Variants in GARRE1 observed in about 807,000 individuals in gnomAD.
The protein encoded by GARRE1 is granule associated Rac and RHOG effector 1.
Under a neutral mutation model 103.2 loss-of-function variants are expected in GARRE1, and 49 were observed. The ratio of observed to expected loss-of-function variants is 0.47; its 90% CI spans 0.38 to 0.60. The LOEUF (loss-of-function observed/expected upper bound fraction) is 0.60, where lower values mean the gene tolerates loss of function less well. Among genes scored for constraint, GARRE1 ranks in the 20% least tolerant of loss-of-function variants. GARRE1 has a pLI of 0.00. For synonymous variants in GARRE1, 505 were observed against 532.8 expected (o/e 0.95, Z 0.72); for missense variants, 1,199 against 1,370.5 (o/e 0.87, Z 1.98).
At chr19:34,344,386 C>CGA (rs1202360596) in intron 10 of GARRE1, among the ~76,000 whole-genome samples, 1 of 151,770 alleles carries the variant, frequency 6.6e-6, no homozygotes, top group Non-Finnish European at 1.5e-5. Flanking sequence ...GTCAGGAGAT[C>CGA]GAGACCATCC....
At position 34,300,105 on chromosome 19, in the gene GARRE1, T is replaced by G. The variant is rs921705547; in HGVS notation, c.-369T>G. On this transcript the variant is annotated 5_prime_UTR_variant, in exon 2 of 14. Transcript: ENST00000299505. ...ACAGTGTATTACATTATATTACATT[T>G]TTAAACGTTAAGTTATTTTTCTGCC... 1 of 189,380 alleles carries G rather than the reference T, an allele frequency of 5.3e-6. No homozygotes were observed. Among genetic ancestry groups the G allele is most frequent in the Non-Finnish European group, 1.1e-5 (1 of 92,290 alleles). The allele number at this position is 189,380 out of a possible 1,614,324, so 11.7% of individuals were successfully genotyped here.
intron 8 of GARRE1, among the ~76,000 whole-genome samples, chr19:34,334,305 TA>T (rs1157621225): frequency 3.3e-5 from 5 of 152,152 alleles, no homozygotes; most frequent in Non-Finnish European, 5.9e-5. Flanking sequence ...ATTCTTAATT[TA>T]TTTTTTTTTA....
chr19:34,261,558 A>C (rs1348774387), intron 1 of GARRE1, among the ~76,000 whole-genome samples: 1 of 152,170 alleles, frequency 6.6e-6, no homozygotes, highest in African/African-American at 2.4e-5. Flanking sequence ...TGCAGTTCTC[A>C]GGGGAGACTT....
chr19:34,290,008 TATG>T (rs1439922387), intron 1 of GARRE1, among the ~76,000 whole-genome samples: 1 of 152,178 alleles, frequency 6.6e-6, no homozygotes, highest in East Asian at 1.9e-4. Context: ...TTCCTTGACT[TATG>T]ATGGGAGTTT....
At position 34,354,700 on chromosome 19, in the gene GARRE1, A is replaced by ATGTATG. The variant is rs1555713013; in HGVS notation, c.*1746_*1747insGTATGT. 6.6e-6 allele frequency: 1 copy of ATGTATG among 152,224 alleles called. No homozygotes were observed. The highest frequency in any genetic ancestry group is 1.5e-5 in the Non-Finnish European group (1 of 67,958). 9.4% of individuals were successfully genotyped at this position (152,224 alleles called of 1,614,324 possible). A position where few individuals can be genotyped will look rare whatever the true frequency, so the allele number is the denominator to read the frequency against. On this transcript the variant is annotated 3_prime_UTR_variant, in exon 14 of 14. Transcript: ENST00000299505. ...AAGAAAAAAAAAAAAGAATATATATATATGTATGTATGTATGTATGTAAAC... is the reference window on the plus strand; with the variant it reads ...AAGAAAAAAAAAAAAGAATATATATATGTATGTATGTATGTATGTATGTATGTAAAC...
At chr19:34,336,251 A>G (rs1049835634) in intron 8 of GARRE1, among the ~76,000 whole-genome samples, 3 of 152,156 alleles carry the variant, frequency 2.0e-5, no homozygotes, top group African/African-American at 7.2e-5. Flanking sequence ...TTGGCCTCCC[A>G]AAGTGCTGGG....
chr19:34,256,241 A>T (rs1384951262), intron 1 of GARRE1, among the ~76,000 whole-genome samples: 1 of 151,324 alleles, frequency 6.6e-6, no homozygotes, highest in East Asian at 2.0e-4. Context: ...GCCTGGCGCG[A>T]TGGCTCATGC....
chr19:34,321,709 C>A (rs2074089868), intron 3 of GARRE1, among the ~76,000 whole-genome samples: 1 of 152,162 alleles, frequency 6.6e-6, no homozygotes, highest in African/African-American at 2.4e-5. Context: ...AACTCCTGAC[C>A]TTGTGATCCA....
At chr19:34,280,768 T>C (rs1039747720) in intron 1 of GARRE1, among the ~76,000 whole-genome samples, 5 of 152,178 alleles carry the variant, frequency 3.3e-5, no homozygotes, top group South Asian at 2.1e-4. Flanking sequence ...CTAGTAGTGT[T>C]ATATGAGTTC....
chr19:34,305,014 G>A (rs1337738249), intron 2 of GARRE1, among the ~76,000 whole-genome samples: 10 of 151,880 alleles, frequency 6.6e-5, no homozygotes, highest in Admixed American at 6.6e-5. Context: ...GGATGGTCTT[G>A]ATCTCCTGAC....
rs392340 is a variant in GARRE1 at position 34,351,583 on chromosome 19, T to C, written c.2895T>C (p.Asp965=). 639,306 of 1,610,562 alleles carry C rather than the reference T, an allele frequency of 0.4. 137,171 individuals are homozygous for C. Among genetic ancestry groups the C allele is most frequent in the East Asian group, 0.82 (36,867 of 44,876 alleles). ...PSPPLLTTVE[D]VNQDNKTKTW... is the part of the protein sequence containing the mutation. ...CACCTCTCCTCACCACGGTGGAGGA[T>C]GTGAACCAGGTATTCAGGCAGGCTC... Residue 965 remains aspartate (D), a synonymous_variant, in exon 13 of 14, where the codon GAT becomes GAC. Coordinates refer to ENST00000299505, the MANE Select transcript of GARRE1 (RefSeq NM_014686.5).
In GARRE1 at chr19:34,282,225, C is replaced by T. The variant is rs1033972360; in HGVS notation, c.-795-17454C>T. The stretch of plus-strand genomic sequence containing the variant: ...GGAATGCAATAGTGCGATCTCGGCT[C>T]ACTGCAACCTCCGCCTCCTGGGTTC... On this transcript the variant is annotated intron_variant, in intron 1 of 13. Coordinates refer to ENST00000299505, the MANE Select transcript of GARRE1 (RefSeq NM_014686.5). Among the ~76,000 whole-genome samples, 5 of 146,904 alleles carry T rather than the reference C, an allele frequency of 3.4e-5. No homozygotes were observed. In the South Asian group the frequency reaches 6.5e-4, roughly 19 times the overall value.
intron 1 of GARRE1, among the ~76,000 whole-genome samples, chr19:34,293,761 T>C (rs1478033196): frequency 1.9e-5 from 2 of 107,708 alleles, no homozygotes; most frequent in African/African-American, 5.0e-5. Flanking sequence ...TTTTTTTTTT[T>C]TTTTTTTTTT....
intron 1 of GARRE1, among the ~76,000 whole-genome samples, chr19:34,265,377 A>G (rs948138455): frequency 2.6e-5 from 4 of 152,168 alleles, no homozygotes; most frequent in Admixed American, 6.5e-5. Flanking sequence ...CTGGGTGTCA[A>G]GGTGGGAGAG....
At chr19:34,334,829 A>C (rs576619915) in intron 8 of GARRE1, among the ~76,000 whole-genome samples, 1 of 152,252 alleles carries the variant, frequency 6.6e-6, no homozygotes, top group South Asian at 2.1e-4. Flanking sequence ...CGAGGCGGCC[A>C]GATCTCCTGA....
chr19:34,291,275 C>T (rs2073916575), intron 1 of GARRE1, among the ~76,000 whole-genome samples: 4 of 152,070 alleles, frequency 2.6e-5, no homozygotes, highest in South Asian at 2.1e-4. Flanking sequence ...TCAGGAACCA[C>T]GTGCACACTT....
At chr19:34,280,940 T>TTA in intron 1 of GARRE1, among the ~76,000 whole-genome samples, 1 of 152,254 alleles carries the variant, frequency 6.6e-6, no homozygotes, top group African/African-American at 2.4e-5. Flanking sequence ...AGGTTTTTTT[T>TTA]TTTTTTTAGT....
rs74177138 is a variant in GARRE1 at position 34,333,677 on chromosome 19, G to GTTTTTTTTTTTT, written c.1264-21_1264-10dup. ...TCTCTCTGAAAGCTGGTTGTTATTT[G>GTTTTTTTTTTTT]TTTTTTTTTTTTTTTTTCGATCTTA... On this transcript the variant is annotated intron_variant, in intron 7 of 13. Transcript: ENST00000299505. 1,282 of 674,126 alleles carry GTTTTTTTTTTTT rather than the reference G, an allele frequency of 1.9e-3. 3 individuals are homozygous for GTTTTTTTTTTTT. The highest frequency in any genetic ancestry group is 4.3e-3 in the South Asian group (227 of 53,308). The allele number at this position is 674,126 out of a possible 1,614,324, so 41.8% of individuals were successfully genotyped here.
At chr19:34,279,298 T>A (rs1490318580) in intron 1 of GARRE1, among the ~76,000 whole-genome samples, 1 of 152,080 alleles carries the variant, frequency 6.6e-6, no homozygotes, top group African/African-American at 2.4e-5. Flanking sequence ...TTGCCAGCAC[T>A]TTTTGTTTTG....
Sources: gnomAD v4.1 joint callset for allele counts (sites outside exome capture counted in the v4.1 genomes callset) on GRCh38, gnomAD v4.1.1 for gene constraint, MANE v1.5 for transcripts, NCBI Gene and HGNC (gene_info 2026-07-23, HGNC 2026-07-21) for gene names.